The following TBC1D4 variants were observed in gnomAD, a reference collection of about 807,000 sequenced individuals.
The protein encoded by TBC1D4 is TBC (Tre-2, BUB2, CDC16) domain-containing protein.
Under a neutral mutation model 142.5 loss-of-function variants are expected in TBC1D4, and 121 were observed. The ratio of observed to expected loss-of-function variants is 0.85; its 90% CI spans 0.73 to 0.99. The LOEUF (loss-of-function observed/expected upper bound fraction) is 0.99, where lower values mean the gene tolerates loss of function less well. TBC1D4 is among the 50% of genes least tolerant of loss of function. TBC1D4 has a pLI of 0.00. For missense variants in TBC1D4, 1,475 were observed against 1,606.6 expected (o/e 0.92, Z 1.40); for synonymous variants, 630 against 628.2 (o/e 1.00, Z -0.04).
intron 1 of TBC1D4, among the ~76,000 whole-genome samples, chr13:75,435,260 C>A (rs944725197): frequency 1.3e-5 from 2 of 150,602 alleles, no homozygotes; most frequent in African/African-American, 4.9e-5. Context: ...TCCCAGGAAT[C>A]GCTTGAACAG....
rs1434733477 is a variant in TBC1D4, at chr13:75,481,735, C to T, written c.33G>A (p.Pro11=). Residue 11 remains proline, a synonymous_variant, in exon 1 of 21, where the codon CCG becomes CCA. Transcript: ENST00000377636. MEPPSCIQDE[P]FPHPLEPEPG... is the part of the protein sequence containing the mutation. ...GCTCGGGCTCCAGGGGGTGCGGGAA[C>T]GGCTCATCCTGAATGCAGCTGGGCG... The T allele has an allele frequency of 1.9e-6, 3 of 1,593,662 alleles. No individual in the cohort carries two copies. Among genetic ancestry groups the T allele is most frequent in the East Asian group, 2.3e-5 (1 of 44,178 alleles).
intron 1 of TBC1D4, among the ~76,000 whole-genome samples, chr13:75,379,172 A>T (rs1405179712): frequency 6.6e-6 from 1 of 152,112 alleles, no homozygotes; most frequent in Non-Finnish European, 1.5e-5. Context: ...AGAAAATTAA[A>T]ATCCAGAGAA....
intron 8 of TBC1D4, 96 bp from the exon 9 acceptor site, chr13:75,327,922 T>C (rs1415509772): frequency 1.0e-4 from 127 of 1,239,220 alleles, no homozygotes; most frequent in Non-Finnish European, 1.2e-6. Flanking sequence ...AATGTTAGCA[T>C]TAAATTGATC....
Position 75,482,009 on chromosome 13 carries a change from T to G in TBC1D4, c.-242A>C. On this transcript the variant is annotated 5_prime_UTR_variant, in exon 1 of 21. An upstream open reading frame in the 5' UTR loses its in-frame stop. Transcript: ENST00000377636. ...AAGCGCCCGGCAGGCGAGGGCGGGT[T>G]AAATGGGCATCCTCCTCCTTGGGCT... 1 of 433,854 alleles carries G rather than the reference T, an allele frequency of 2.3e-6. No individual in the cohort carries two copies. The allele number at this position is 433,854 out of a possible 1,614,324, so 26.9% of individuals were successfully genotyped here.
intron 1 of TBC1D4, among the ~76,000 whole-genome samples, chr13:75,439,989 G>A (rs1886968271): frequency 6.6e-6 from 1 of 152,096 alleles, no homozygotes; most frequent in Non-Finnish European, 1.5e-5. Flanking sequence ...AAAGATTCTT[G>A]TACACTTAAT....
intron 1 of TBC1D4, among the ~76,000 whole-genome samples, chr13:75,475,640 T>A (rs1374890560): frequency 2.0e-5 from 3 of 152,242 alleles, no homozygotes; most frequent in African/African-American, 7.2e-5. Context: ...ATATACCAGA[T>A]AATCTAGAAA....
intron 7 of TBC1D4, among the ~76,000 whole-genome samples, chr13:75,340,561 T>G (rs570970798): frequency 6.6e-6 from 1 of 152,348 alleles, no homozygotes; most frequent in East Asian, 1.9e-4. Flanking sequence ...GAACATGTAC[T>G]ATTAATGCTT....
intron 5 of TBC1D4, among the ~76,000 whole-genome samples, chr13:75,344,791 A>G (rs763022404): frequency 1.4e-4 from 21 of 152,248 alleles, no homozygotes; most frequent in Non-Finnish European, 1.5e-5. Context: ...GTCATTAAAA[A>G]TAGAACTCAA....
chr13:75,474,680 A>C (rs1327402441), intron 1 of TBC1D4, among the ~76,000 whole-genome samples: 1 of 84,544 alleles, frequency 1.2e-5, no homozygotes, highest in African/African-American at 3.1e-5. Flanking sequence ...TTTGTCGCCC[A>C]AGCTAAAGTG....
At chr13:75,318,218 G>A (rs996131577) in intron 12 of TBC1D4, among the ~76,000 whole-genome samples, 3 of 152,180 alleles carry the variant, frequency 2.0e-5, no homozygotes, top group Admixed American at 6.5e-5. Flanking sequence ...GATATACTTT[G>A]CACAAAGGCA....
At chr13:75,405,551 C>T (rs529992443) in intron 1 of TBC1D4, among the ~76,000 whole-genome samples, 6 of 152,258 alleles carry the variant, frequency 3.9e-5, no homozygotes, top group South Asian at 2.1e-4. Flanking sequence ...AGATTACAGG[C>T]GTGAGCCACT....
In TBC1D4 at chr13:75,286,748, T is replaced by A. The variant is rs1593851551; in HGVS notation, c.*44A>T. The A allele has an allele frequency of 6.3e-7, 1 of 1,580,274 alleles. No homozygotes were observed. The highest frequency in any genetic ancestry group is 1.3e-5 in the African/African-American group (1 of 74,210). Reference sequence around the variant, plus strand: ...GCGACATGCAGGCTCTTCCTCTCTGTAGTATTCTAAGGAGCACTTTCTGCT... The same window carrying A: ...GCGACATGCAGGCTCTTCCTCTCTGAAGTATTCTAAGGAGCACTTTCTGCT... On this transcript the variant is annotated 3_prime_UTR_variant, in exon 21 of 21. Coordinates refer to ENST00000377636, the MANE Select transcript of TBC1D4 (RefSeq NM_014832.5).
intron 4 of TBC1D4, among the ~76,000 whole-genome samples, chr13:75,350,761 G>A (rs911862894): frequency 6.6e-6 from 1 of 152,072 alleles, no homozygotes; most frequent in Middle Eastern, 3.4e-3. Flanking sequence ...CTTGTAAAAG[G>A]TATCTAGTAG....
chr13:75,402,526 G>A (rs1885143521), intron 1 of TBC1D4, among the ~76,000 whole-genome samples: 1 of 152,026 alleles, frequency 6.6e-6, no homozygotes, highest in Non-Finnish European at 1.5e-5. Flanking sequence ...GAAATTTTAA[G>A]TTGAGCAATC....
At chr13:75,407,117 A>G (rs1330745177) in intron 1 of TBC1D4, among the ~76,000 whole-genome samples, 1 of 152,198 alleles carries the variant, frequency 6.6e-6, no homozygotes, top group Non-Finnish European at 1.5e-5. Flanking sequence ...CTCAATGACC[A>G]TACTGGTAAG....
At chr13:75,395,184 T>C (rs1379105481) in intron 1 of TBC1D4, among the ~76,000 whole-genome samples, 1 of 152,310 alleles carries the variant, frequency 6.6e-6, no homozygotes. Context: ...TTACCTGAAA[T>C]GTACTGGTTG....
At chr13:75,292,041 C>A in intron 19 of TBC1D4, 61 bp downstream of exon 19, 1 of 1,399,556 alleles carries the variant, frequency 7.1e-7, no homozygotes, top group Non-Finnish European at 9.8e-7. Flanking sequence ...TAGGCTAAAG[C>A]ATTTAATATA....
rs189063004 is a variant in TBC1D4, at chr13:75,315,049, G to A, written c.2223-2151C>T. ...AGGCTGGGCACAATGGCTTACATCT[G>A]TAATTCCAGCAGTTTGGGAGGCCGA... is the stretch of plus-strand genomic sequence containing the variant. On this transcript the variant is annotated intron_variant, in intron 12 of 20. Coordinates refer to ENST00000377636, the MANE Select transcript of TBC1D4 (RefSeq NM_014832.5). 8.6e-5 allele frequency among the ~76,000 whole-genome samples: 13 copies of A among 151,754 alleles called. No individual in the cohort carries two copies. In the East Asian group the frequency reaches 2.1e-3, roughly 25 times the overall value.
chr13:75,431,318 G>A (rs537698970), intron 1 of TBC1D4, among the ~76,000 whole-genome samples: 7 of 152,294 alleles, frequency 4.6e-5, no homozygotes, highest in Admixed American at 1.3e-4. Flanking sequence ...GTATATGGGT[G>A]CTAGGGTTAT....
Sources: gnomAD v4.1 joint callset for allele counts (sites outside exome capture counted in the v4.1 genomes callset) on GRCh38, gnomAD v4.1.1 for gene constraint, MANE v1.5 for transcripts, NCBI Gene and HGNC (gene_info 2026-07-23, HGNC 2026-07-21) for gene names.